RUSF1: variants seen among roughly 807,000 people sequenced by gnomAD.
RUSF1 encodes the protein RUS1 family protein C16orf58.
Under a neutral mutation model 63.0 loss-of-function variants are expected in RUSF1, and 58 were observed. That is an observed-to-expected ratio of 0.92 (90% CI 0.75 to 1.15). The LOEUF (loss-of-function observed/expected upper bound fraction) is 1.15, where lower values mean the gene tolerates loss of function less well. Among genes scored for constraint, RUSF1 ranks in the 50% most tolerant of loss-of-function variants. The pLI is 0.00. For synonymous variants in RUSF1, 274 were observed against 255.8 expected (o/e 1.07, Z -0.68); for missense variants, 652 against 611.0 (o/e 1.07, Z -0.71).
intron 1 of RUSF1, 90 bp downstream of exon 1, chr16:31,507,984 C>A: frequency 6.5e-7 from 1 of 1,535,350 alleles, no homozygotes; most frequent in Non-Finnish European, 8.8e-7. Context: ...AGACCCCCCG[C>A]CCCCCGGGCT....
intron 3 of RUSF1, among the ~76,000 whole-genome samples, chr16:31,499,884 G>A (rs2082624023): frequency 1.3e-5 from 2 of 152,100 alleles, no homozygotes; most frequent in South Asian, 4.1e-4. Flanking sequence ...AGGGTACCCA[G>A]TGAGCATGTT....
rs1368659108 is a variant in RUSF1, at chr16:31,490,225, T to C, written c.*610A>G. On this transcript the variant is annotated 3_prime_UTR_variant, in exon 13 of 13. Transcript: ENST00000327237. ...GGGTGCCCAGAGAGTGCCATGGAGA[T>C]GAATGGTAGGGCACCATGCTGGGAG... is the stretch of plus-strand genomic sequence containing the variant. The C allele has an allele frequency of 6.2e-7, 1 of 1,614,106 alleles. No individual in the cohort carries two copies.
chr16:31,490,143 G>C lies in RUSF1; in HGVS notation c.*692C>G. 1.2e-6 allele frequency: 2 copies of C among 1,614,124 alleles called. No individual in the cohort carries two copies. The highest frequency in any genetic ancestry group is 1.7e-6 in the Non-Finnish European group (2 of 1,180,040). ...CTTCAGTCTCCGGCATAGCAAGGAG[G>C]AACGGGAGGACCTGGATGCTGATGA... On this transcript the variant is annotated 3_prime_UTR_variant, in exon 13 of 13. Transcript: ENST00000327237.
At position 31,490,288 on chromosome 16, in the gene RUSF1, C is replaced by A. The variant is rs760963048; in HGVS notation, c.*547G>T. The A allele has an allele frequency of 1.5e-5, 25 of 1,613,434 alleles. No homozygotes were observed. Among genetic ancestry groups the A allele is most frequent in the Non-Finnish European group, 2.1e-5 (25 of 1,179,794 alleles). ...GAGCTGAGTTCCCGCAAACTAACTG[C>A]AGGGCCTCAATTTCCCTCAGAGCCC... On this transcript the variant is annotated 3_prime_UTR_variant, in exon 13 of 13. Transcript: ENST00000327237.
At chr16:31,501,480 C>T (rs1400545642) in intron 2 of RUSF1, among the ~76,000 whole-genome samples, 3 of 151,872 alleles carry the variant, frequency 2.0e-5, no homozygotes, top group African/African-American at 7.3e-5. Context: ...CCTGTAGTCC[C>T]AGCTACTTGG....
chr16:31,497,414 G>A (rs939418945), intron 5 of RUSF1, among the ~76,000 whole-genome samples: 2 of 152,066 alleles, frequency 1.3e-5, no homozygotes, highest in Non-Finnish European at 2.9e-5. Flanking sequence ...CTCTGAGATC[G>A]CAGGATAAAG....
At chr16:31,492,371 G>C in intron 10 of RUSF1, 31 bp from the exon 11 acceptor site, 1 of 1,515,470 alleles carries the variant, frequency 6.6e-7, no homozygotes, top group Non-Finnish European at 8.8e-7. Flanking sequence ...ACTGGTATCA[G>C]GGAAGGGCCA....
intron 5 of RUSF1, among the ~76,000 whole-genome samples, chr16:31,499,075 C>T (rs1276090684): frequency 5.9e-5 from 9 of 152,180 alleles, no homozygotes; most frequent in South Asian, 4.1e-4. Flanking sequence ...GTTCTCAGCT[C>T]GGAGCTCCCT....
intron 5 of RUSF1, among the ~76,000 whole-genome samples, chr16:31,497,839 G>A (rs1438900363): frequency 6.6e-6 from 1 of 152,226 alleles, no homozygotes; most frequent in Non-Finnish European, 1.5e-5. Context: ...CTGACCACAC[G>A]GAGCCTGGCA....
At chr16:31,494,080 G>T in intron 6 of RUSF1, 144 bp from the exon 7 acceptor site, 1 of 892,402 alleles carries the variant, frequency 1.1e-6, no homozygotes, top group Non-Finnish European at 1.7e-6. Context: ...AGTTTTTGGT[G>T]GGTGAAATGT....
Position 31,493,749 on chromosome 16 carries a change from T to C in RUSF1, c.812A>G (p.His271Arg). The C allele has an allele frequency of 6.2e-7, 1 of 1,614,126 alleles. No homozygotes were observed. The highest frequency in any genetic ancestry group is 8.5e-7 in the Non-Finnish European group (1 of 1,180,016). The change falls in exon 8 of 13, where the codon CAC (histidine) becomes CGC (arginine). Residue 271 changes from histidine to arginine, a missense_variant. Physicochemically the swap from His to Arg is conservative, Grantham distance 29. Coordinates refer to ENST00000327237, the MANE Select transcript of RUSF1 (RefSeq NM_022744.4). ...GACCGCGCGGTAGTTGGCGTAGATGTGGAGGGCAGTGAGGAAGAAGAAACA... is the reference window on the plus strand; with the variant it reads ...GACCGCGCGGTAGTTGGCGTAGATGCGGAGGGCAGTGAGGAAGAAGAAACA... ...LGCFFFLTAL[H>R]IYANYRAVRA...
chr16:31,500,472 A>G (rs1265417470), intron 3 of RUSF1, among the ~76,000 whole-genome samples: 1 of 152,236 alleles, frequency 6.6e-6, no homozygotes, highest in Non-Finnish European at 1.5e-5. Flanking sequence ...TAAGGATTAG[A>G]GACAACATAC....
At chr16:31,506,529 C>A (rs1567400266) in intron 2 of RUSF1, among the ~76,000 whole-genome samples, 1 of 151,476 alleles carries the variant, frequency 6.6e-6, no homozygotes. Context: ...CGCCTATAAT[C>A]CCAGCACTTT....
Position 31,499,529 on chromosome 16 carries a change from T to C in RUSF1, c.462-4A>G, listed in dbSNP as rs761010165. On this transcript the variant is annotated splice_region_variant and splice_polypyrimidine_tract_variant and intron_variant, in intron 3 of 12. Transcript: ENST00000327237. ...GGCATTGCAGTCCAGTTTGCTCCTGTTGGGGAGGAGAGGTTGTTGTAATTT... is the reference window on the plus strand; with the variant it reads ...GGCATTGCAGTCCAGTTTGCTCCTGCTGGGGAGGAGAGGTTGTTGTAATTT... The C allele has an allele frequency of 3.1e-5, 50 of 1,595,674 alleles. No homozygotes were observed. Among genetic ancestry groups the C allele is most frequent in the Non-Finnish European group, 4.0e-5 (47 of 1,170,942 alleles).
rs763032828 is a variant in RUSF1, at chr16:31,490,394, G to A, written c.*441C>T. The A allele has an allele frequency of 4.0e-4, 642 of 1,613,232 alleles. 1 individual carries two copies. The highest frequency in any genetic ancestry group is 5.2e-4 in the Non-Finnish European group (619 of 1,179,778). On this transcript the variant is annotated 3_prime_UTR_variant, in exon 13 of 13. Transcript: ENST00000327237. ...GCAGAGGTGGGGTGGGCAGTCCTCC[G>A]CCCCTTACCCAGGAGGAGGCAGCGG...
intron 1 of RUSF1, 51 bp from the exon 2 acceptor site, chr16:31,507,929 C>T: frequency 6.5e-7 from 1 of 1,541,932 alleles, no homozygotes; most frequent in Non-Finnish European, 8.8e-7. Context: ...GCGTGGCGGT[C>T]TAAGTGCCTT....
intron 12 of RUSF1, 102 bp downstream of exon 12, chr16:31,491,907 C>T (rs2082571189): frequency 1.5e-6 from 2 of 1,301,004 alleles, no homozygotes; most frequent in Non-Finnish European, 2.2e-6. Flanking sequence ...CCCAAGAACC[C>T]AAGTCTTTTA....
intron 2 of RUSF1, 44 bp downstream of exon 2, chr16:31,507,720 G>A: frequency 2.0e-6 from 3 of 1,529,716 alleles, no homozygotes; most frequent in South Asian, 1.2e-5. Context: ...AGCGAAAGCA[G>A]GGCTGAAAGC....
rs1487335714 is a variant in RUSF1, at chr16:31,500,666, G to T, written c.461+20C>A. 4.3e-6 allele frequency: 7 copies of T among 1,610,982 alleles called. No individual in the cohort carries two copies. Among genetic ancestry groups the T allele is most frequent in the Non-Finnish European group, 5.9e-6 (7 of 1,178,100 alleles). The stretch of plus-strand genomic sequence containing the variant: ...ACTGGGAAGAGTTGCCAGAGTTGCT[G>T]GCCGGGAAGACAAACTCACCCTTTC... On this transcript the variant is annotated intron_variant, in intron 3 of 12. Coordinates refer to ENST00000327237, the MANE Select transcript of RUSF1 (RefSeq NM_022744.4).
Sources: allele counts gnomAD v4.1 joint callset (sites outside exome capture counted in the v4.1 genomes callset), GRCh38; gene constraint gnomAD v4.1.1; transcripts MANE v1.5; gene names NCBI Gene and HGNC (gene_info 2026-07-23, HGNC 2026-07-21).